Variants in C19orf44 observed in about 807,000 individuals in gnomAD.
C19orf44 encodes uncharacterized protein C19orf44.
In C19orf44, 43 loss-of-function variants were observed where a neutral mutation model predicts 50.7. The observed-to-expected ratio is 0.85, with a 90% CI of 0.66 to 1.09. The LOEUF is 1.09. C19orf44 is among the 50% of genes least tolerant of loss of function. The probability of loss-of-function intolerance (pLI) is 0.00; values close to 1 mark genes in which losing one functional copy is unlikely to be tolerated. For missense variants in C19orf44, 722 were observed against 836.2 expected, an observed-to-expected ratio of 0.86 and a Z score of 1.68; for synonymous variants, 298 against 334.7, an observed-to-expected ratio of 0.89 and a Z score of 1.20.
intron 3 of C19orf44, among the ~76,000 whole-genome samples, chr19:16,505,612 C>T (rs2093438364): frequency 6.6e-6 from 1 of 152,226 alleles, no homozygotes. Context: ...GGAGCTGAGT[C>T]AGTCTGTCCC....
At chr19:16,504,376 TCA>T (rs1322253154) in intron 3 of C19orf44, among the ~76,000 whole-genome samples, 2 of 152,078 alleles carry the variant, frequency 1.3e-5, no homozygotes, top group Non-Finnish European at 2.9e-5. Context: ...TTTTCAGAAC[TCA>T]CAGTCTATTA....
At chr19:16,498,547 G>T (rs2093416145) in intron 1 of C19orf44, among the ~76,000 whole-genome samples, 1 of 152,154 alleles carries the variant, frequency 6.6e-6, no homozygotes, top group South Asian at 2.1e-4. Flanking sequence ...GCCTCCCACA[G>T]TGCTGGGATT....
Position 16,496,400 on chromosome 19 carries a change from C to T in C19orf44, c.-67C>T. On this transcript the variant is annotated 5_prime_UTR_variant, in exon 1 of 9. Coordinates refer to ENST00000221671, the MANE Select transcript of C19orf44 (RefSeq NM_032207.4). Reference sequence around the variant, plus strand: ...TCTCTTCTGCTCTGGCTCTGTTGCCCAGGGCAACCGCTCCTTCAGGCGTGA... The same window carrying T: ...TCTCTTCTGCTCTGGCTCTGTTGCCTAGGGCAACCGCTCCTTCAGGCGTGA... 1 of 503,670 alleles carries T rather than the reference C, an allele frequency of 2.0e-6. No individual in the cohort carries two copies. Among genetic ancestry groups the T allele is most frequent in the Non-Finnish European group, 3.6e-6 (1 of 276,882 alleles). The allele number at this position is 503,670 out of a possible 1,614,324, so 31.2% of individuals were successfully genotyped here.
chr19:16,520,623 G>A lies in C19orf44; in HGVS notation c.*570G>A, dbSNP rs866761000. On this transcript the variant is annotated 3_prime_UTR_variant, in exon 9 of 9. Coordinates refer to ENST00000221671, the MANE Select transcript of C19orf44 (RefSeq NM_032207.4). This position sits in a 1 kb window ranked among gnomAD's most constrained non-coding sequence, Gnocchi z 4.0. ...CAGGGGCTCTGGCTGTGGATGTGGC[G>A]CCATAGCCACAGCAACGGTACCAAG... The A allele has an allele frequency of 2.6e-5, 33 of 1,283,360 alleles. No homozygotes were observed. In the Middle Eastern group the frequency reaches 9.3e-4, roughly 36 times the overall value. 79.5% of individuals were successfully genotyped at this position (1,283,360 alleles called of 1,614,324 possible). A position where few individuals can be genotyped will look rare whatever the true frequency, so the allele number is the denominator to read the frequency against.
intron 6 of C19orf44, among the ~76,000 whole-genome samples, chr19:16,513,769 C>T (rs1484978858): frequency 6.6e-6 from 1 of 152,198 alleles, no homozygotes; most frequent in Non-Finnish European, 1.5e-5. Flanking sequence ...ATGTATTTGA[C>T]TGATGCTGAG....
At chr19:16,498,956 C>A (rs2093417412) in intron 1 of C19orf44, among the ~76,000 whole-genome samples, 2 of 152,174 alleles carry the variant, frequency 1.3e-5, no homozygotes, top group Non-Finnish European at 1.5e-5. Flanking sequence ...AGGCGTGAGC[C>A]ACCACGCCTA....
chr19:16,497,924 G>A (rs2093414611), intron 1 of C19orf44, among the ~76,000 whole-genome samples: 1 of 152,066 alleles, frequency 6.6e-6, no homozygotes, highest in Non-Finnish European at 1.5e-5. Flanking sequence ...AGAACAGCCT[G>A]GGCAACACAG....
intron 5 of C19orf44, 57 bp downstream of exon 5, chr19:16,510,045 T>A: frequency 1.9e-6 from 3 of 1,612,366 alleles, no homozygotes; most frequent in Non-Finnish European, 2.5e-6. Flanking sequence ...CAGCGTGTGG[T>A]TTACAGCATC....
Position 16,509,517 on chromosome 19 carries a change from CA to C in C19orf44, c.1174del (p.Thr392GlnfsTer70). 1 of 1,544,774 alleles carries C rather than the reference CA, an allele frequency of 6.5e-7. No homozygotes were observed. Among genetic ancestry groups the C allele is most frequent in the South Asian group, 1.3e-5 (1 of 79,096 alleles). ...LEQEEESAQR[Q>X]KTAGKIFRAE... Reference sequence around the variant, plus strand: ...ATTTTAGGAGGAAAGTGCTCAGAGACAAAAAACAGCTGGCAAAATCTTCAGA... The same window carrying C: ...ATTTTAGGAGGAAAGTGCTCAGAGACAAAAACAGCTGGCAAAATCTTCAGA... On this transcript the variant is annotated frameshift_variant, in exon 5 of 9. Coordinates refer to ENST00000221671, the MANE Select transcript of C19orf44 (RefSeq NM_032207.4). LOFTEE classifies it high-confidence loss of function.
intron 2 of C19orf44, 48 bp downstream of exon 2, chr19:16,501,599 AT>A (rs760914620): frequency 1.1e-3 from 1,152 of 1,088,362 alleles, no homozygotes; most frequent in South Asian, 1.2e-3. Context: ...ATTTAATTTA[AT>A]TTTTTTTTTG....
chr19:16,518,878 G>A (rs938705782), intron 8 of C19orf44: 5 of 459,658 alleles, frequency 1.1e-5, no homozygotes, highest in Non-Finnish European at 1.9e-5. Flanking sequence ...CTCGGGCGGA[G>A]GGTCTTGTGT....
intron 6 of C19orf44, among the ~76,000 whole-genome samples, chr19:16,513,880 CAG>C (rs1172267329): frequency 1.3e-5 from 2 of 152,210 alleles, no homozygotes; most frequent in Non-Finnish European, 2.9e-5. Context: ...GGGGCCCCAG[CAG>C]CCATCTTAGA....
At chr19:16,505,610 G>A (rs1365159674) in intron 3 of C19orf44, among the ~76,000 whole-genome samples, 4 of 152,162 alleles carry the variant, frequency 2.6e-5, no homozygotes, top group Admixed American at 6.5e-5. Flanking sequence ...TTGGAGCTGA[G>A]TCAGTCTGTC....
Position 16,520,303 on chromosome 19 carries a change from GCGT to G in C19orf44, c.*254_*256del, listed in dbSNP as rs2122240680. ...GTGCCCAAGGGTCAGCAGCAGCCAG[GCGT>G]CGTGGGGAGGCCACAGGAAGAGGCC... On this transcript the variant is annotated 3_prime_UTR_variant, in exon 9 of 9. Coordinates refer to ENST00000221671, the MANE Select transcript of C19orf44 (RefSeq NM_032207.4). The surrounding 1 kb of genome is among the most constrained non-coding windows in gnomAD (Gnocchi z 4.0). 1.2e-6 allele frequency: 2 copies of G among 1,611,400 alleles called. No homozygotes were observed. The highest frequency in any genetic ancestry group is 1.7e-6 in the Non-Finnish European group (2 of 1,178,242).
At chr19:16,497,184 G>C (rs2093411752) in intron 1 of C19orf44, among the ~76,000 whole-genome samples, 1 of 151,882 alleles carries the variant, frequency 6.6e-6, no homozygotes, top group African/African-American at 2.4e-5. Context: ...CTGACCTCAC[G>C]TAATCTGCCA....
intron 5 of C19orf44, 87 bp from the exon 6 acceptor site, chr19:16,512,927 G>T: frequency 9.6e-7 from 1 of 1,042,912 alleles, no homozygotes. Flanking sequence ...ACAAGGTCAC[G>T]TAGTTTATTC....
In C19orf44 at chr19:16,501,353, A is replaced by C; in HGVS notation, c.561A>C (p.Glu187Asp). The C allele has an allele frequency of 6.2e-7, 1 of 1,614,152 alleles. No individual in the cohort carries two copies. The highest frequency in any genetic ancestry group is 8.5e-7 in the Non-Finnish European group (1 of 1,180,036). The change falls in exon 2 of 9, where the codon GAA (glutamate) becomes GAC (aspartate). Residue 187 changes from glutamate to aspartate, a missense_variant. Physicochemically the swap from Glu to Asp is conservative, Grantham distance 45. Transcript: ENST00000221671. ...CACCTGTTGAAAACATATCCCCTGA[A>C]GCACCTGCTGGGAAAGAGAGGACTT... ...KQAPVENISP[E>D]APAGKERTLQ... is the part of the protein sequence containing the mutation.
chr19:16,514,388 A>G (rs78032210), intron 6 of C19orf44, 109 bp from the exon 7 acceptor site: 1 of 1,046,020 alleles, frequency 9.6e-7, no homozygotes, highest in Non-Finnish European at 1.3e-6. Flanking sequence ...TGTCTCCAGA[A>G]AAAAAAAAAA....
At chr19:16,508,404 A>C (rs1421851739) in intron 4 of C19orf44, among the ~76,000 whole-genome samples, 5 of 151,826 alleles carry the variant, frequency 3.3e-5, no homozygotes, top group African/African-American at 1.2e-4. Flanking sequence ...TGCCTGGCCC[A>C]ATTTATTTAT....
Sources: gnomAD v4.1 joint callset for allele counts (sites outside exome capture counted in the v4.1 genomes callset) on GRCh38, gnomAD v4.1.1 for gene constraint, Gnocchi (gnomAD v3.1) non-coding constraint, MANE v1.5 for transcripts, NCBI Gene and HGNC (gene_info 2026-07-23, HGNC 2026-07-21) for gene names.